The following EFCAB5 variants were observed in gnomAD, a reference collection of about 807,000 sequenced individuals.
EFCAB5 encodes the protein EF-hand calcium binding domain 5, also known as EF-hand calcium-binding domain-containing protein 5.
A neutral mutation model predicts 167.9 loss-of-function variants in EFCAB5; 131 were observed. That is an observed-to-expected ratio of 0.78 (90% CI 0.68 to 0.90). EFCAB5 has a LOEUF of 0.90. Among genes scored for constraint, EFCAB5 ranks in the 40% least tolerant of loss-of-function variants. The pLI is 0.00. For missense variants in EFCAB5, 1,663 were observed against 1,745.2 expected, an observed-to-expected ratio of 0.95 and a Z score of 0.84; for synonymous variants, 574 against 602.8, an observed-to-expected ratio of 0.95 and a Z score of 0.70.
In EFCAB5 at chr17:30,004,460, T is replaced by A. The variant is rs144574918; in HGVS notation, c.1044+4484T>A. Among the ~76,000 whole-genome samples the A allele has an allele frequency of 5.6e-4, 86 of 152,306 alleles. 1 individual carries two copies. In the East Asian group the frequency reaches 0.015, roughly 27 times the overall value. ...TTTTCTGATTTCTTTAAAGGTTAGA[T>A]AACAATTTAGTTTTAGTTTAGTGTT... is the stretch of plus-strand genomic sequence containing the variant. On this transcript the variant is annotated intron_variant, in intron 7 of 22. Coordinates refer to ENST00000394835, the MANE Select transcript of EFCAB5 (RefSeq NM_198529.4).
chr17:29,944,627 G>GTT (rs1284512064), intron 3 of EFCAB5, among the ~76,000 whole-genome samples: 2 of 141,040 alleles, frequency 1.4e-5, no homozygotes, highest in African/African-American at 5.3e-5. Flanking sequence ...GTTTTGTTTT[G>GTT]TTTTTTTTTT....
chr17:30,021,311 TTA>T (rs915484811), intron 7 of EFCAB5, among the ~76,000 whole-genome samples: 1 of 148,516 alleles, frequency 6.7e-6, no homozygotes, highest in African/African-American at 2.4e-5. Context: ...GTGTCATTTT[TTA>T]TATATATAAC....
chr17:30,021,466 A>G (rs2069178153), intron 7 of EFCAB5, among the ~76,000 whole-genome samples: 1 of 148,302 alleles, frequency 6.7e-6, no homozygotes, highest in Admixed American at 6.7e-5. Context: ...TATATATAAT[A>G]CATGTATATA....
At chr17:30,100,235 T>C (rs2151858443) in intron 22 of EFCAB5, among the ~76,000 whole-genome samples, 1 of 152,274 alleles carries the variant, frequency 6.6e-6, no homozygotes, top group East Asian at 1.9e-4. Flanking sequence ...GCAGGCCCTA[T>C]TCTAGGTTCC....
intron 18 of EFCAB5, among the ~76,000 whole-genome samples, 187 bp from the exon 19 acceptor site, chr17:30,086,876 G>A (rs938679397): frequency 1.3e-5 from 2 of 151,400 alleles, no homozygotes; most frequent in Admixed American, 6.6e-5. Context: ...TGGGCAACAA[G>A]AGTGAAACTC....
upstream of EFCAB5, among the ~76,000 whole-genome samples, chr17:29,941,117 G>GT (rs2067292780): frequency 6.6e-6 from 1 of 151,970 alleles, no homozygotes; most frequent in Non-Finnish European, 1.5e-5. Flanking sequence ...TCTCTAGACT[G>GT]TAACTGTCCT....
chr17:30,032,534 T>C (rs936085610), intron 7 of EFCAB5, among the ~76,000 whole-genome samples: 2 of 152,218 alleles, frequency 1.3e-5, no homozygotes, highest in African/African-American at 4.8e-5. Context: ...ATGTCCTCCC[T>C]GTATCAGGAG....
chr17:30,098,973 T>C (rs2071343407), intron 22 of EFCAB5, among the ~76,000 whole-genome samples: 1 of 152,246 alleles, frequency 6.6e-6, no homozygotes, highest in Non-Finnish European at 1.5e-5. Flanking sequence ...TGTTCTAGCT[T>C]GTATCAGTAC....
intron 4 of EFCAB5, among the ~76,000 whole-genome samples, chr17:29,971,501 T>C (rs952402643): frequency 1.3e-5 from 2 of 152,202 alleles, no homozygotes; most frequent in Non-Finnish European, 2.9e-5. Flanking sequence ...ACTAGTTCTG[T>C]TCCATTTGGA....
intron 7 of EFCAB5, among the ~76,000 whole-genome samples, chr17:30,020,370 C>CTT (rs1388454322): frequency 3.6e-5 from 4 of 111,544 alleles, no homozygotes; most frequent in South Asian, 2.9e-4. Context: ...TTTTTTTTTT[C>CTT]TTTTTTTTTT....
At chr17:30,081,287 G>A (rs2070983551) in intron 17 of EFCAB5, among the ~76,000 whole-genome samples, 3 of 152,256 alleles carry the variant, frequency 2.0e-5, no homozygotes, top group Admixed American at 6.5e-5. Flanking sequence ...CCCACAAAGC[G>A]GGAATGAACT....
At chr17:29,975,262 A>ATT (rs947245726) in intron 4 of EFCAB5, among the ~76,000 whole-genome samples, 8 of 143,014 alleles carry the variant, frequency 5.6e-5, no homozygotes, top group African/African-American at 1.0e-4. Flanking sequence ...ACCTACACTA[A>ATT]TTTTTTTTTT....
chr17:30,083,306 G>A (rs12948898), intron 18 of EFCAB5, among the ~76,000 whole-genome samples: 67,313 of 152,002 alleles, frequency 0.44, 15,544 homozygotes, highest in Non-Finnish European at 0.51. Flanking sequence ...CCAGGGACTT[G>A]AAGCCATCAG....
chr17:30,019,618 G>A (rs1261667365), intron 7 of EFCAB5, among the ~76,000 whole-genome samples: 3 of 151,890 alleles, frequency 2.0e-5, no homozygotes, highest in Non-Finnish European at 4.4e-5. Flanking sequence ...GCTAATTTTT[G>A]TATTTTTAGT....
intron 7 of EFCAB5, among the ~76,000 whole-genome samples, chr17:30,014,316 G>C (rs764781138): frequency 2.6e-5 from 4 of 152,114 alleles, no homozygotes; most frequent in African/African-American, 4.8e-5. Flanking sequence ...ATGTCTATTA[G>C]GTCTGCTTAG....
intron 7 of EFCAB5, among the ~76,000 whole-genome samples, chr17:30,018,317 T>A (rs1435355093): frequency 6.6e-6 from 1 of 152,116 alleles, no homozygotes; most frequent in African/African-American, 2.4e-5. Flanking sequence ...AAAGTCAGTG[T>A]CTTCCTGTTG....
chr17:30,059,765 C>T, intron 14 of EFCAB5, 64 bp downstream of exon 14: 1 of 1,401,432 alleles, frequency 7.1e-7, no homozygotes, highest in Non-Finnish European at 9.6e-7. Context: ...TTTCTCAGTA[C>T]ACATATACAG....
chr17:30,096,652 C>CATATATATATAT (rs200424980), intron 22 of EFCAB5, among the ~76,000 whole-genome samples: 6 of 93,588 alleles, frequency 6.4e-5, no homozygotes, highest in African/African-American at 2.3e-4. Context: ...ATCCTGAAAG[C>CATATATATATAT]ATATATATAT....
At chr17:30,074,779 C>G (rs947912355) in intron 14 of EFCAB5, 7 of 152,108 alleles carry the variant, frequency 4.6e-5, no homozygotes, top group African/African-American at 1.7e-4. Flanking sequence ...TGAGCACGTC[C>G]TTGCTTTCTG....
Sources: allele counts gnomAD v4.1 joint callset (sites outside exome capture counted in the v4.1 genomes callset), GRCh38; gene constraint gnomAD v4.1.1; transcripts MANE v1.5; gene names NCBI Gene and HGNC (gene_info 2026-07-23, HGNC 2026-07-21).